Variants in RIGI observed in about 807,000 individuals in gnomAD.
RIGI encodes RNA sensor RIG-I, also known as antiviral innate immune response receptor RIG-I.
the RIGI span, among the ~76,000 whole-genome samples, chr9:32,470,363 C>T: frequency 6.6e-6 from 1 of 152,202 alleles, no homozygotes; most frequent in African/African-American, 2.4e-5. Context: ...GTCATGCTGT[C>T]TCAGCTACCC....
At chr9:32,471,499 C>G in the RIGI span, among the ~76,000 whole-genome samples, 1 of 152,066 alleles carries the variant, frequency 6.6e-6, no homozygotes, top group South Asian at 2.1e-4. Context: ...CCATTTTTAT[C>G]CACAAGGAGC....
chr9:32,476,732 T>C, the RIGI span, among the ~76,000 whole-genome samples: 1 of 151,228 alleles, frequency 6.6e-6, no homozygotes. Context: ...GCAGCCTCAA[T>C]CAATCCTCTA....
At chr9:32,467,951 G>A in the RIGI span, 3 of 1,556,734 alleles carry the variant, frequency 1.9e-6, no homozygotes, top group South Asian at 1.2e-5. Flanking sequence ...GAGTAAGAGG[G>A]CATTATACAA....
At chr9:32,503,350 G>C in the RIGI span, among the ~76,000 whole-genome samples, 4 of 152,120 alleles carry the variant, frequency 2.6e-5, no homozygotes, top group Non-Finnish European at 5.9e-5. Flanking sequence ...TGCTGCTACA[G>C]AGTAGTGACA....
the RIGI span, among the ~76,000 whole-genome samples, chr9:32,471,540 G>A: frequency 7.9e-5 from 12 of 152,142 alleles, no homozygotes; most frequent in Admixed American, 2.6e-4. Flanking sequence ...ATATAAATAA[G>A]AAGCTATAAT....
chr9:32,464,754 T>C, the RIGI span, among the ~76,000 whole-genome samples: 1 of 152,170 alleles, frequency 6.6e-6, no homozygotes, highest in Non-Finnish European at 1.5e-5. Flanking sequence ...AGGACAGGGA[T>C]ACCAACACAA....
chr9:32,469,773 G>A, the RIGI span, among the ~76,000 whole-genome samples: 8 of 152,238 alleles, frequency 5.3e-5, no homozygotes, highest in South Asian at 6.2e-4. Flanking sequence ...TAATCATGGC[G>A]GACACCCAAA....
At chr9:32,497,619 C>A in the RIGI span, among the ~76,000 whole-genome samples, 1 of 152,184 alleles carries the variant, frequency 6.6e-6, no homozygotes, top group Non-Finnish European at 1.5e-5. Flanking sequence ...TGGCGGCGAG[C>A]ACCTGTAGTC....
chr9:32,495,212 T>C, the RIGI span, among the ~76,000 whole-genome samples: 2 of 152,218 alleles, frequency 1.3e-5, no homozygotes, highest in Non-Finnish European at 2.9e-5. Context: ...TATTTTATTT[T>C]ATTTTTTGAG....
At chr9:32,489,027 T>C in the RIGI span, 3 of 801,432 alleles carry the variant, frequency 3.7e-6, no homozygotes, top group Non-Finnish European at 3.7e-6. Flanking sequence ...GATTACAGAA[T>C]TTACACTATG....
chr9:32,466,221 C>T, the RIGI span: 1 of 1,512,618 alleles, frequency 6.6e-7, no homozygotes. Context: ...ATAAAAGATA[C>T]CAACCATCCT....
the RIGI span, among the ~76,000 whole-genome samples, chr9:32,504,539 A>C: frequency 6.6e-6 from 1 of 151,350 alleles, no homozygotes; most frequent in African/African-American, 2.4e-5. Context: ...TTAGCCGGGC[A>C]TGGTGGCCAG....
chr9:32,481,484 T>G, the RIGI span: 3 of 1,582,152 alleles, frequency 1.9e-6, no homozygotes, highest in Admixed American at 3.7e-5. Flanking sequence ...TATTTTGAAT[T>G]TGAGATAAGT....
the RIGI span, among the ~76,000 whole-genome samples, chr9:32,506,929 C>A: frequency 6.6e-6 from 1 of 152,150 alleles, no homozygotes; most frequent in African/African-American, 2.4e-5. Flanking sequence ...CTTATTACAT[C>A]TTAAAATATA....
At chr9:32,480,286 G>A in the RIGI span, 2 of 1,611,292 alleles carry the variant, frequency 1.2e-6, no homozygotes, top group South Asian at 1.1e-5. Flanking sequence ...TGCTGAAGAA[G>A]TCTTTCAAGT....
the RIGI span, among the ~76,000 whole-genome samples, chr9:32,511,108 C>T: frequency 2.3e-4 from 35 of 152,254 alleles, no homozygotes; most frequent in East Asian, 5.4e-3. Context: ...TACAGACCTA[C>T]AAAGAGACTT....
the RIGI span, chr9:32,480,194 TTCC>T: frequency 5.7e-6 from 9 of 1,577,906 alleles, no homozygotes; most frequent in Admixed American, 1.0e-4. Context: ...CTACTGTGGC[TTCC>T]TCCTCTGAAA....
the RIGI span, among the ~76,000 whole-genome samples, chr9:32,463,889 C>CTTTTTTTTTTTTTTTTTTATTTT: frequency 7.4e-6 from 1 of 135,806 alleles, no homozygotes; most frequent in Non-Finnish European, 1.6e-5. Context: ...ATTCTGATTT[C>CTTTTTTTTTTTTTTTTTTATTTT]AAATAAACCT....
the RIGI span, chr9:32,485,632 C>G: frequency 2.5e-6 from 1 of 403,090 alleles, no homozygotes; most frequent in African/African-American, 2.1e-5. Context: ...CCTCCGTCTC[C>G]CAGGTTCAAG....
Sources: allele counts gnomAD v4.1 joint callset (sites outside exome capture counted in the v4.1 genomes callset), GRCh38; gene constraint gnomAD v4.1.1; transcripts MANE v1.5; gene names NCBI Gene and HGNC (gene_info 2026-07-23, HGNC 2026-07-21).